UNC80: variants seen among roughly 807,000 people sequenced by gnomAD.
UNC80 encodes the protein protein unc-80 homolog.
UNC80 carries 164 observed loss-of-function variants against 384.6 expected under a neutral mutation model. That is an observed-to-expected ratio of 0.43 (90% CI 0.38 to 0.49). UNC80 has a LOEUF of 0.49. Ranked by LOEUF, UNC80 falls within the 20% of genes least tolerant of loss-of-function variation. UNC80 has a pLI of 0.00. For synonymous variants in UNC80, 1,486 were observed against 1,527.8 expected (o/e 0.97, Z 0.64); for missense variants, 3,330 against 4,143.0 (o/e 0.80, Z 5.39).
chr2:209,878,570 CTTAAATA>C (rs1188845556), intron 24 of UNC80, among the ~76,000 whole-genome samples: 1 of 152,074 alleles, frequency 6.6e-6, no homozygotes, highest in African/African-American at 2.4e-5. Context: ...TAACATGACA[CTTAAATA>C]TTAAAATATT....
At chr2:209,963,011 G>A (rs2092641560) in intron 51 of UNC80, among the ~76,000 whole-genome samples, 1 of 152,198 alleles carries the variant, frequency 6.6e-6, no homozygotes. Context: ...AAAATAATTT[G>A]AATCAAACCA....
intron 49 of UNC80, 29 bp downstream of exon 49, chr2:209,957,765 G>A (rs1167783606): frequency 1.3e-6 from 2 of 1,545,456 alleles, no homozygotes. Context: ...TTCTTCTATG[G>A]TCTCTCAATT....
At chr2:209,828,857 G>A (rs1248128331) in intron 14 of UNC80, among the ~76,000 whole-genome samples, 1 of 152,050 alleles carries the variant, frequency 6.6e-6, no homozygotes, top group Non-Finnish European at 1.5e-5. Context: ...TGCACACAAA[G>A]CCTTTGAGGT....
At chr2:209,916,450 AC>A (rs1247210177) in intron 31 of UNC80, among the ~76,000 whole-genome samples, 2 of 152,196 alleles carry the variant, frequency 1.3e-5, no homozygotes, top group African/African-American at 4.8e-5. Context: ...TTACAAGAAA[AC>A]TTTTTCAGTA....
chr2:209,794,247 G>A (rs556767236), intron 7 of UNC80, among the ~76,000 whole-genome samples: 1 of 152,240 alleles, frequency 6.6e-6, no homozygotes. Context: ...AATCACATAG[G>A]AATTTAAAAG....
intron 25 of UNC80, among the ~76,000 whole-genome samples, chr2:209,881,640 C>T (rs1330414161): frequency 6.6e-6 from 1 of 152,128 alleles, no homozygotes. Flanking sequence ...CACACACACA[C>T]ACACACACAC....
Position 209,819,247 on chromosome 2 carries a change from A to C in UNC80, c.1948A>C (p.Met650Leu). 1.3e-6 allele frequency: 2 copies of C among 1,546,398 alleles called. No individual in the cohort carries two copies. The highest frequency in any genetic ancestry group is 1.7e-6 in the Non-Finnish European group (2 of 1,143,834). The change falls in exon 12 of 65, where the codon ATG becomes CTG. Residue 650 changes from methionine (M) to leucine (L), a missense_variant. Physicochemically the swap from Met to Leu is conservative, Grantham distance 15. Transcript: ENST00000673920. The stretch of plus-strand genomic sequence containing the variant: ...CAATAACTTTGTCCACAAGAATGGA[A>C]TGCTTGATCTTTCTGTAAGAAGCAA... The part of the protein sequence containing the change: ...GTNNFVHKNG[M>L]LDLSVVLKAV...
chr2:209,910,912 A>G (rs532382627), intron 29 of UNC80, among the ~76,000 whole-genome samples: 11 of 152,284 alleles, frequency 7.2e-5, no homozygotes, highest in African/African-American at 2.6e-4. Flanking sequence ...CAGTTGTGCT[A>G]AGATGCATGG....
intron 18 of UNC80, among the ~76,000 whole-genome samples, chr2:209,838,014 G>A (rs1428719100): frequency 3.9e-5 from 6 of 152,046 alleles, no homozygotes; most frequent in Admixed American, 2.0e-4. Flanking sequence ...CTCATGATCC[G>A]CCTGCCTCGG....
At chr2:209,879,956 T>C (rs2085139659) in intron 24 of UNC80, among the ~76,000 whole-genome samples, 1 of 152,198 alleles carries the variant, frequency 6.6e-6, no homozygotes, top group South Asian at 2.1e-4. Flanking sequence ...TCTATTCAAT[T>C]AAGAAAGCCT....
chr2:209,934,347 G>C (rs1351641357), intron 39 of UNC80, among the ~76,000 whole-genome samples: 1 of 152,122 alleles, frequency 6.6e-6, no homozygotes, highest in Non-Finnish European at 1.5e-5. Context: ...GAATAATATT[G>C]TTTGTATGGC....
chr2:209,885,650 G>GTTCCTATAT (rs1181385919), intron 25 of UNC80, among the ~76,000 whole-genome samples: 6 of 151,632 alleles, frequency 4.0e-5, no homozygotes, highest in Admixed American at 2.0e-4. Flanking sequence ...ATTCCATGTA[G>GTTCCTATAT]TTCCTATATT....
At chr2:209,778,586 A>G (rs150736456) in intron 4 of UNC80, among the ~76,000 whole-genome samples, 98 of 152,332 alleles carry the variant, frequency 6.4e-4, no homozygotes, top group Admixed American at 4.3e-3. Context: ...ATTTGAAATC[A>G]CTGTGCCATC....
intron 29 of UNC80, among the ~76,000 whole-genome samples, chr2:209,909,563 C>T (rs2088667954): frequency 1.3e-5 from 2 of 152,212 alleles, no homozygotes; most frequent in South Asian, 4.1e-4. Context: ...TTTTTCTGCA[C>T]AGCAACCATC....
At chr2:209,828,708 C>T (rs974664631) in intron 14 of UNC80, among the ~76,000 whole-genome samples, 8 of 152,178 alleles carry the variant, frequency 5.3e-5, no homozygotes, top group African/African-American at 1.2e-4. Context: ...GTGGCCCTCA[C>T]TCAGCCACCC....
At chr2:209,937,390 T>C in intron 41 of UNC80, 139 bp from the exon 42 acceptor site, 1 of 632,396 alleles carries the variant, frequency 1.6e-6, no homozygotes, top group South Asian at 2.0e-5. Flanking sequence ...TCTTCCAGAG[T>C]GTTGTTTAGT....
At chr2:209,886,439 TA>T (rs1365254777) in intron 25 of UNC80, among the ~76,000 whole-genome samples, 1 of 151,748 alleles carries the variant, frequency 6.6e-6, no homozygotes, top group Non-Finnish European at 1.5e-5. Flanking sequence ...ATTAGAAAAT[TA>T]AAAATAAAAA....
intron 21 of UNC80, among the ~76,000 whole-genome samples, chr2:209,846,311 A>T (rs1312706322): frequency 6.6e-6 from 1 of 152,150 alleles, no homozygotes; most frequent in Non-Finnish European, 1.5e-5. Context: ...TTCAGAAATC[A>T]GCTTTTTCTT....
intron 22 of UNC80, among the ~76,000 whole-genome samples, chr2:209,857,626 TTTAG>T (rs1307027078): frequency 1.3e-5 from 2 of 152,142 alleles, no homozygotes; most frequent in African/African-American, 4.8e-5. Flanking sequence ...TGCATTATTC[TTTAG>T]TTAAGTTGAT....
Sources: allele counts gnomAD v4.1 joint callset (sites outside exome capture counted in the v4.1 genomes callset), GRCh38; gene constraint gnomAD v4.1.1; transcripts MANE v1.5; gene names NCBI Gene and HGNC (gene_info 2026-07-23, HGNC 2026-07-21).